Variants in CCDC7 observed in about 807,000 individuals in gnomAD.
The protein encoded by CCDC7 is coiled-coil domain-containing protein 7.
CCDC7 carries 183 observed loss-of-function variants against 196.9 expected under a neutral mutation model. That is an observed-to-expected ratio of 0.93 (90% CI 0.82 to 1.05). The LOEUF (loss-of-function observed/expected upper bound fraction) is 1.05, where lower values mean the gene tolerates loss of function less well. CCDC7 is among the 50% of genes least tolerant of loss of function. The pLI, the probability that CCDC7 is intolerant of heterozygous loss-of-function variation, is 0.00. For synonymous variants in CCDC7, 525 were observed against 484.6 expected, an observed-to-expected ratio of 1.08 and a Z score of -1.10; for missense variants, 1,540 against 1,482.2, an observed-to-expected ratio of 1.04 and a Z score of -0.64.
intron 3 of CCDC7, among the ~76,000 whole-genome samples, chr10:32,460,700 G>A (rs2035442517): frequency 6.6e-6 from 1 of 152,138 alleles, no homozygotes; most frequent in African/African-American, 2.4e-5. Flanking sequence ...TATATTTTCT[G>A]AAGGATCTCA....
At chr10:32,447,893 C>T (rs922068505), upstream of CCDC7, among the ~76,000 whole-genome samples, 6 of 152,212 alleles carry the variant, frequency 3.9e-5, no homozygotes, top group East Asian at 1.2e-3. Context: ...AAGAGCGAAA[C>T]TCTGTCTCAA....
intron 20 of CCDC7, among the ~76,000 whole-genome samples, chr10:32,638,400 G>T (rs184877825): frequency 2.0e-5 from 3 of 152,144 alleles, no homozygotes. Flanking sequence ...TTTGAGATAC[G>T]TCCCATCAAT....
At chr10:32,629,108 C>T (rs747395108) in intron 18 of CCDC7, among the ~76,000 whole-genome samples, 160 of 151,974 alleles carry the variant, frequency 1.1e-3, no homozygotes, top group Non-Finnish European at 1.5e-3. Flanking sequence ...TAAAGTTCTC[C>T]ACTATTATTG....
intron 29 of CCDC7, among the ~76,000 whole-genome samples, chr10:32,795,895 T>C (rs1280086175): frequency 2.6e-5 from 4 of 152,138 alleles, no homozygotes; most frequent in Non-Finnish European, 5.9e-5. Flanking sequence ...ACCTGTGGAA[T>C]ATACCTCCTA....
At chr10:32,832,274 G>A (rs1011544458) in intron 32 of CCDC7, among the ~76,000 whole-genome samples, 2 of 152,046 alleles carry the variant, frequency 1.3e-5, no homozygotes, top group African/African-American at 4.8e-5. Context: ...GGCCAAGGTG[G>A]GGGTGGATCA....
intron 24 of CCDC7, among the ~76,000 whole-genome samples, chr10:32,709,435 G>A (rs1450286108): frequency 3.9e-5 from 6 of 151,902 alleles, no homozygotes; most frequent in East Asian, 3.9e-4. Flanking sequence ...AATCCTGCAC[G>A]TTATGCACAT....
At chr10:32,592,238 T>C (rs765093659) in intron 18 of CCDC7, among the ~76,000 whole-genome samples, 4 of 152,144 alleles carry the variant, frequency 2.6e-5, no homozygotes, top group Non-Finnish European at 5.9e-5. Context: ...TTCTCTCTCT[T>C]TTATTCAATC....
At chr10:32,764,635 A>G (rs1017896525) in intron 28 of CCDC7, among the ~76,000 whole-genome samples, 1 of 151,886 alleles carries the variant, frequency 6.6e-6, no homozygotes, top group Non-Finnish European at 1.5e-5. Context: ...TTGGAGTGTT[A>G]ATGTGGATTT....
intron 28 of CCDC7, among the ~76,000 whole-genome samples, chr10:32,752,988 G>C (rs1018388985): frequency 1.3e-5 from 2 of 152,076 alleles, no homozygotes; most frequent in Non-Finnish European, 2.9e-5. Flanking sequence ...TTAATTGATG[G>C]TTATTCAGCT....
At chr10:32,864,654 A>G (rs1308595031) in intron 41 of CCDC7, among the ~76,000 whole-genome samples, 1 of 151,770 alleles carries the variant, frequency 6.6e-6, no homozygotes. Context: ...TATATACAAA[A>G]CTCTGGATTA....
intron 25 of CCDC7, among the ~76,000 whole-genome samples, chr10:32,722,802 C>G (rs2082596338): frequency 1.3e-5 from 2 of 152,058 alleles, no homozygotes. Flanking sequence ...ACCCTCCCAT[C>G]ATAGTGTTAG....
intron 18 of CCDC7, among the ~76,000 whole-genome samples, chr10:32,588,164 CTT>C (rs200489676): frequency 0.01 from 1,560 of 152,312 alleles, 15 homozygotes; most frequent in Non-Finnish European, 0.017. Flanking sequence ...GGCTCCTCAA[CTT>C]TGAAATCCCC....
intron 29 of CCDC7, among the ~76,000 whole-genome samples, chr10:32,782,974 A>T (rs1339260744): frequency 6.6e-6 from 1 of 152,202 alleles, no homozygotes; most frequent in Non-Finnish European, 1.5e-5. Context: ...ACGTCAAAAG[A>T]ATGAAGTTGA....
chr10:32,755,899 G>C (rs957531973), intron 28 of CCDC7, among the ~76,000 whole-genome samples: 1 of 152,170 alleles, frequency 6.6e-6, no homozygotes, highest in Non-Finnish European at 1.5e-5. Flanking sequence ...AAACAGTGTA[G>C]AGAAGACCTT....
At chr10:32,767,038 G>A (rs886959368) in intron 28 of CCDC7, among the ~76,000 whole-genome samples, 2 of 151,980 alleles carry the variant, frequency 1.3e-5, no homozygotes, top group Non-Finnish European at 2.9e-5. Flanking sequence ...ATTCTGCCAG[G>A]CTCTTTTCAA....
intron 29 of CCDC7, among the ~76,000 whole-genome samples, chr10:32,792,466 G>A (rs907793139): frequency 2.6e-5 from 4 of 152,116 alleles, no homozygotes; most frequent in East Asian, 1.9e-4. Flanking sequence ...TTAGATATGC[G>A]ACAAAAATAA....
intron 11 of CCDC7, among the ~76,000 whole-genome samples, chr10:32,534,014 C>T (rs1454954401): frequency 6.6e-6 from 1 of 152,060 alleles, no homozygotes; most frequent in Non-Finnish European, 1.5e-5. Flanking sequence ...CCTCAGCTCT[C>T]TCTTGAACAC....
At chr10:32,840,113 A>G (rs2092879638) in intron 33 of CCDC7, among the ~76,000 whole-genome samples, 1 of 152,080 alleles carries the variant, frequency 6.6e-6, no homozygotes, top group South Asian at 2.1e-4. Context: ...AACAAGAACA[A>G]TCCAAACCCA....
intron 29 of CCDC7, among the ~76,000 whole-genome samples, chr10:32,779,317 C>T (rs1202169605): frequency 1.3e-5 from 2 of 152,130 alleles, no homozygotes; most frequent in African/African-American, 2.4e-5. Flanking sequence ...CCTTTACCTA[C>T]TCATGAAACA....
Sources: allele counts gnomAD v4.1 joint callset (sites outside exome capture counted in the v4.1 genomes callset), GRCh38; gene constraint gnomAD v4.1.1; transcripts MANE v1.5; gene names NCBI Gene and HGNC (gene_info 2026-07-23, HGNC 2026-07-21).